Variants in RPS28 observed in about 807,000 individuals in gnomAD.
The protein encoded by RPS28 is small ribosomal subunit protein eS28.
A neutral mutation model predicts 9.4 loss-of-function variants in RPS28; 2 were observed. The observed-to-expected ratio is 0.21, with a 90% CI of 0.09 to 0.67. RPS28 has a LOEUF of 0.67. Among genes scored for constraint, RPS28 ranks in the 30% least tolerant of loss-of-function variants. The pLI, the probability that RPS28 is intolerant of heterozygous loss-of-function variation, is 0.82. For synonymous variants in RPS28, 41 were observed against 37.8 expected (o/e 1.08, Z -0.31); for missense variants, 35 against 95.3 (o/e 0.37, Z 2.63).
Position 8,322,481 on chromosome 19 carries a change from TG to T in RPS28, c.*228del. On this transcript the variant is annotated 3_prime_UTR_variant, in exon 4 of 4. Transcript: ENST00000600659. The stretch of plus-strand genomic sequence containing the variant: ...AGGCGGTCACCGATCCTCCGCACTC[TG>T]GAAATCCTGGCCGTGCGGTCTTGCC... 2.0e-6 allele frequency: 1 copy of T among 512,092 alleles called. No individual in the cohort carries two copies. The highest frequency in any genetic ancestry group is 1.7e-5 in the South Asian group (1 of 59,562). 31.7% of individuals were successfully genotyped at this position (512,092 alleles called of 1,614,324 possible).
At chr19:8,321,592 G>A in intron 1 of RPS28, 23 bp downstream of exon 1, 2 of 1,570,920 alleles carry the variant, frequency 1.3e-6, no homozygotes, top group Non-Finnish European at 1.7e-6. Flanking sequence ...CCCGAATTTG[G>A]GGGCAGGGGG....
Position 8,323,118 on chromosome 19 carries a change from C to T in RPS28, c.*863C>T. On this transcript the variant is annotated 3_prime_UTR_variant, in exon 4 of 4. Transcript: ENST00000600659. ...CACATCCCTTCCAGTGGGGTGAGTA[C>T]AGGTGTTCCTCAGTTTACAATGGGT... 4.5e-6 allele frequency: 2 copies of T among 446,916 alleles called. No homozygotes were observed. Among genetic ancestry groups the T allele is most frequent in the South Asian group, 4.2e-5 (1 of 23,842 alleles). The allele number at this position is 446,916 out of a possible 1,614,324, so 27.7% of individuals were successfully genotyped here.
In RPS28 at chr19:8,321,814, C is replaced by T. The variant is rs139573393; in HGVS notation, c.87+111C>T. ...ATCCGGGAGCCGATTCTCATTTCATCACGGGGTTCTGATGGTTCCCTTTAA... is the reference window on the plus strand; with the variant it reads ...ATCCGGGAGCCGATTCTCATTTCATTACGGGGTTCTGATGGTTCCCTTTAA... On this transcript the variant is annotated intron_variant, in intron 2 of 3. Coordinates refer to ENST00000600659, the MANE Select transcript of RPS28 (RefSeq NM_001031.5). 813 of 1,504,380 alleles carry T rather than the reference C, an allele frequency of 5.4e-4. 5 individuals are homozygous for T. The African/African-American group carries it at 0.01, about 19-fold the overall frequency. The allele number at this position is 1,504,380 out of a possible 1,614,324, so 93.2% of individuals were successfully genotyped here. A position where few individuals can be genotyped will look rare whatever the true frequency, so the allele number is the denominator to read the frequency against.
rs1436621358 is a variant in RPS28 at position 8,323,162 on chromosome 19, T to G, written c.*907T>G. ...AATGGGTTACATTCCGGTGAGTACA[T>G]CATAGGTTGAAAGTATTGCAAGTTG... On this transcript the variant is annotated 3_prime_UTR_variant, in exon 4 of 4. Coordinates refer to ENST00000600659, the MANE Select transcript of RPS28 (RefSeq NM_001031.5). The G allele has an allele frequency of 2.8e-6, 1 of 354,846 alleles. No individual in the cohort carries two copies. The highest frequency in any genetic ancestry group is 2.1e-5 in the African/African-American group (1 of 47,378). 22.0% of individuals were successfully genotyped at this position (354,846 alleles called of 1,614,324 possible). A position where few individuals can be genotyped will look rare whatever the true frequency, so the allele number is the denominator to read the frequency against.
chr19:8,322,157 C>G, intron 3 of RPS28, 66 bp downstream of exon 3: 1 of 1,556,142 alleles, frequency 6.4e-7, no homozygotes, highest in South Asian at 1.1e-5. Flanking sequence ...TCGTTAAGCC[C>G]AGGGTGAGAG....
chr19:8,321,730 C>A, intron 2 of RPS28, 27 bp downstream of exon 2: 1 of 1,550,162 alleles, frequency 6.5e-7, no homozygotes, highest in South Asian at 1.2e-5. Context: ...ATTTGGCCGA[C>A]TGCCGGCGAC....
chr19:8,323,324 T>C lies in RPS28; in HGVS notation c.*1069T>C, dbSNP rs898871643. The C allele has an allele frequency of 6.3e-6, 1 of 157,564 alleles. No individual in the cohort carries two copies. The highest frequency in any genetic ancestry group is 6.5e-5 in the Admixed American group (1 of 15,342). 9.8% of individuals were successfully genotyped at this position (157,564 alleles called of 1,614,324 possible). The stretch of plus-strand genomic sequence containing the variant: ...CTGTTTTAATAAAGTATTGAATGTC[T>C]TATGTAATTTATTGAATACTCTGCT... On this transcript the variant is annotated 3_prime_UTR_variant, in exon 4 of 4. Coordinates refer to ENST00000600659, the MANE Select transcript of RPS28 (RefSeq NM_001031.5).
rs553982085 is a variant in RPS28, at chr19:8,321,537, A to G, written c.7A>G (p.Thr3Ala). 6.6e-5 allele frequency: 104 copies of G among 1,586,840 alleles called. No homozygotes were observed. Among genetic ancestry groups the G allele is most frequent in the Middle Eastern group, 6.6e-4 (3 of 4,580 alleles). The change falls in exon 1 of 4, where the codon ACC becomes GCC. Residue 3 changes from threonine (T) to alanine (A), a missense_variant. By Grantham distance (58) the Thr-to-Ala change is moderately conservative. Transcript: ENST00000600659. ...CCGCCGCCGCGCCGCCATCATGGAC[A>G]CCAGCCGTGTGCAGCCTATCAAGCT... is the stretch of plus-strand genomic sequence containing the variant. Reference protein sequence around the residue: MDTSRVQPIKLAR... With the variant: MDASRVQPIKLAR...
Position 8,322,745 on chromosome 19 carries a change from G to A in RPS28, c.*490G>A. On this transcript the variant is annotated 3_prime_UTR_variant, in exon 4 of 4. Transcript: ENST00000600659. ...CTCTTCGGCCAGTGTTAGCCTCTGA[G>A]CAGGGGACCCTGGACCCTTCTGTGC... is the stretch of plus-strand genomic sequence containing the variant. The A allele has an allele frequency of 2.3e-6, 2 of 886,400 alleles. No individual in the cohort carries two copies. Among genetic ancestry groups the A allele is most frequent in the Non-Finnish European group, 3.5e-6 (2 of 565,588 alleles). The allele number at this position is 886,400 out of a possible 1,614,324, so 54.9% of individuals were successfully genotyped here.
chr19:8,321,641 G>T lies in RPS28; in HGVS notation c.40-15G>T, dbSNP rs769184966. ...GCCAAACGGGCCGGGTCTGAACCCAGCTTCTTTCCTCCAGGTCACCAAGGT... is the reference window on the plus strand; with the variant it reads ...GCCAAACGGGCCGGGTCTGAACCCATCTTCTTTCCTCCAGGTCACCAAGGT... On this transcript the variant is annotated splice_polypyrimidine_tract_variant and intron_variant, in intron 1 of 3. Coordinates refer to ENST00000600659, the MANE Select transcript of RPS28 (RefSeq NM_001031.5). 1 of 1,555,538 alleles carries T rather than the reference G, an allele frequency of 6.4e-7. No homozygotes were observed. The highest frequency in any genetic ancestry group is 8.7e-7 in the Non-Finnish European group (1 of 1,150,788).
In RPS28 at chr19:8,323,152, G is replaced by A. The variant is rs890860117; in HGVS notation, c.*897G>A. 6 of 383,722 alleles carry A rather than the reference G, an allele frequency of 1.6e-5. No homozygotes were observed. The highest frequency in any genetic ancestry group is 6.3e-5 in the African/African-American group (3 of 47,700). 23.8% of individuals were successfully genotyped at this position (383,722 alleles called of 1,614,324 possible). On this transcript the variant is annotated 3_prime_UTR_variant, in exon 4 of 4. Transcript: ENST00000600659. ...CTCAGTTTACAATGGGTTACATTCC[G>A]GTGAGTACATCATAGGTTGAAAGTA...
At position 8,322,699 on chromosome 19, in the gene RPS28, A is replaced by T. The variant is rs911111151; in HGVS notation, c.*444A>T. 2 of 646,868 alleles carry T rather than the reference A, an allele frequency of 3.1e-6. No homozygotes were observed. Among genetic ancestry groups the T allele is most frequent in the Non-Finnish European group, 5.4e-6 (2 of 371,990 alleles). The allele number at this position is 646,868 out of a possible 1,614,324, so 40.1% of individuals were successfully genotyped here. A position where few individuals can be genotyped will look rare whatever the true frequency, so the allele number is the denominator to read the frequency against. On this transcript the variant is annotated 3_prime_UTR_variant, in exon 4 of 4. Transcript: ENST00000600659. ...GAGTGAGCCCCTTCCTGCCACAGTC[A>T]CCCCAACTGAAATTGCCTTTCTCTT...
chr19:8,322,824 GCC>G lies in RPS28; in HGVS notation c.*570_*571del. On this transcript the variant is annotated 3_prime_UTR_variant, in exon 4 of 4. Coordinates refer to ENST00000600659, the MANE Select transcript of RPS28 (RefSeq NM_001031.5). ...ATCTCCCCACAGCTAGGTGTAGTGA[GCC>G]AGACGAGGCAGCTTACTGAACCTGG... The G allele has an allele frequency of 6.3e-7, 1 of 1,595,278 alleles. No homozygotes were observed. The highest frequency in any genetic ancestry group is 8.6e-7 in the Non-Finnish European group (1 of 1,165,948).
At position 8,322,916 on chromosome 19, in the gene RPS28, A is replaced by G. The variant is rs748347653; in HGVS notation, c.*661A>G. The G allele has an allele frequency of 2.6e-6, 4 of 1,528,352 alleles. No individual in the cohort carries two copies. In the African/African-American group the frequency reaches 5.8e-5, roughly 22 times the overall value. The allele number at this position is 1,528,352 out of a possible 1,614,324, so 94.7% of individuals were successfully genotyped here. A position where few individuals can be genotyped will look rare whatever the true frequency, so the allele number is the denominator to read the frequency against. ...GTGGCTGTCTGGGAGCCAGGGGGTG[A>G]CTCGCTCTGGAGAGAGGGGAAAAGA... On this transcript the variant is annotated 3_prime_UTR_variant, in exon 4 of 4. Transcript: ENST00000600659.
chr19:8,322,947 G>A lies in RPS28; in HGVS notation c.*692G>A, dbSNP rs375871703. ...TCTGGAGAGAGGGGAAAAGAGGGGG[G>A]CCTGCTGCAATCTCCTTGAGGCAGG... On this transcript the variant is annotated 3_prime_UTR_variant, in exon 4 of 4. Coordinates refer to ENST00000600659, the MANE Select transcript of RPS28 (RefSeq NM_001031.5). The A allele has an allele frequency of 1.2e-5, 16 of 1,314,806 alleles. No homozygotes were observed. The highest frequency in any genetic ancestry group is 1.4e-5 in the South Asian group (1 of 69,336). 81.4% of individuals were successfully genotyped at this position (1,314,806 alleles called of 1,614,324 possible). A position where few individuals can be genotyped will look rare whatever the true frequency, so the allele number is the denominator to read the frequency against.
At position 8,322,976 on chromosome 19, in the gene RPS28, CGT is replaced by C. The variant is rs752658891; in HGVS notation, c.*723_*724del. 151 of 1,050,270 alleles carry C rather than the reference CGT, an allele frequency of 1.4e-4. No homozygotes were observed. Among genetic ancestry groups the C allele is most frequent in the Non-Finnish European group, 2.0e-4 (145 of 736,402 alleles). 65.1% of individuals were successfully genotyped at this position (1,050,270 alleles called of 1,614,324 possible). A position where few individuals can be genotyped will look rare whatever the true frequency, so the allele number is the denominator to read the frequency against. The stretch of plus-strand genomic sequence containing the variant: ...GCTGCAATCTCCTTGAGGCAGGAAA[CGT>C]GGGATTCAGCCCCAGCCTCACTTAG... On this transcript the variant is annotated 3_prime_UTR_variant, in exon 4 of 4. Coordinates refer to ENST00000600659, the MANE Select transcript of RPS28 (RefSeq NM_001031.5).
In RPS28 at chr19:8,323,270, T is replaced by C. The variant is rs62120996; in HGVS notation, c.*1015T>C. On this transcript the variant is annotated 3_prime_UTR_variant, in exon 4 of 4. Transcript: ENST00000600659. ...AGCTTGTTCAGAACGCCTTAGCCTG[T>C]AGTTGGGGAAACTCGTCTAACACGA... 3.2e-3 allele frequency: 590 copies of C among 182,238 alleles called. 7 individuals are homozygous for C. The highest frequency in any genetic ancestry group is 0.02 in the Middle Eastern group (16 of 814). 11.3% of individuals were successfully genotyped at this position (182,238 alleles called of 1,614,324 possible). A position where few individuals can be genotyped will look rare whatever the true frequency, so the allele number is the denominator to read the frequency against.
Position 8,322,896 on chromosome 19 carries a change from TG to T in RPS28, c.*642del, listed in dbSNP as rs762550462. ...CGCATTCTCCTTCACCAGGTGTGGCTGTCTGGGAGCCAGGGGGTGACTCGCT... is the reference window on the plus strand; with the variant it reads ...CGCATTCTCCTTCACCAGGTGTGGCTTCTGGGAGCCAGGGGGTGACTCGCT... On this transcript the variant is annotated 3_prime_UTR_variant, in exon 4 of 4. Coordinates refer to ENST00000600659, the MANE Select transcript of RPS28 (RefSeq NM_001031.5). 11 of 1,558,098 alleles carry T rather than the reference TG, an allele frequency of 7.1e-6. No individual in the cohort carries two copies. The highest frequency in any genetic ancestry group is 7.8e-6 in the Non-Finnish European group (9 of 1,152,232).
Position 8,323,232 on chromosome 19 carries a change from A to G in RPS28, c.*977A>G, listed in dbSNP as rs1003387778. 2.4e-5 allele frequency: 5 copies of G among 212,762 alleles called. No homozygotes were observed. Among genetic ancestry groups the G allele is most frequent in the East Asian group, 2.0e-4 (2 of 9,910 alleles). 13.2% of individuals were successfully genotyped at this position (212,762 alleles called of 1,614,324 possible). A position where few individuals can be genotyped will look rare whatever the true frequency, so the allele number is the denominator to read the frequency against. On this transcript the variant is annotated 3_prime_UTR_variant, in exon 4 of 4. Coordinates refer to ENST00000600659, the MANE Select transcript of RPS28 (RefSeq NM_001031.5). ...AATCTCCCAAACATCACAGCTTAGC[A>G]TGGTCCATCTTAAGCTTGTTCAGAA...
Sources: allele counts gnomAD v4.1 joint callset, GRCh38; gene constraint gnomAD v4.1.1; transcripts MANE v1.5; gene names NCBI Gene and HGNC (gene_info 2026-07-23, HGNC 2026-07-21).